Variants in ARFGAP1 observed in about 807,000 individuals in gnomAD.
The protein encoded by ARFGAP1 is ADP-ribosylation factor GTPase-activating protein 1.
Under a neutral mutation model 54.0 loss-of-function variants are expected in ARFGAP1, and 26 were observed. The ratio of observed to expected loss-of-function variants is 0.48; its 90% CI spans 0.35 to 0.67. ARFGAP1 has a LOEUF of 0.67. Among genes scored for constraint, ARFGAP1 ranks in the 30% least tolerant of loss-of-function variants. The probability of loss-of-function intolerance (pLI) is 0.00; values close to 1 mark genes in which losing one functional copy is unlikely to be tolerated. For synonymous variants in ARFGAP1, 248 were observed against 211.9 expected, an observed-to-expected ratio of 1.17 and a Z score of -1.48; for missense variants, 525 against 535.8, an observed-to-expected ratio of 0.98 and a Z score of 0.20.
In ARFGAP1 at chr20:63,276,356, T is replaced by A. The variant is rs986463289; in HGVS notation, c.171-124T>A. Reference sequence around the variant, plus strand: ...TGACGCCATGGCACAGAGTTCCAGCTGCTGGCCACTCAGCCTCCCTGCGGC... The same window carrying A: ...TGACGCCATGGCACAGAGTTCCAGCAGCTGGCCACTCAGCCTCCCTGCGGC... On this transcript the variant is annotated intron_variant, in intron 3 of 12. Coordinates refer to ENST00000370283, the MANE Select transcript of ARFGAP1 (RefSeq NM_018209.4). This position sits in a 1 kb window ranked among gnomAD's most constrained non-coding sequence, Gnocchi z 5.2. 5.7e-6 allele frequency: 8 copies of A among 1,396,370 alleles called. No homozygotes were observed. Among genetic ancestry groups the A allele is most frequent in the Non-Finnish European group, 7.9e-6 (8 of 1,011,148 alleles). The allele number at this position is 1,396,370 out of a possible 1,614,324, so 86.5% of individuals were successfully genotyped here.
chr20:63,285,743 G>A (rs757937110), intron 11 of ARFGAP1, 30 bp downstream of exon 11: 4 of 1,606,832 alleles, frequency 2.5e-6, no homozygotes, highest in African/African-American at 2.7e-5. Flanking sequence ...CGCGGGCACA[G>A]TCGAAGCCAG....
chr20:63,278,991 A>G lies in ARFGAP1; in HGVS notation c.623A>G (p.Tyr208Cys), dbSNP rs776566363. 10 of 1,613,630 alleles carry G rather than the reference A, an allele frequency of 6.2e-6. No homozygotes were observed. The Admixed American group carries it at 1.0e-4, about 16-fold the overall frequency. The change falls in exon 7 of 13, where the codon TAC becomes TGC. Residue 208 changes from tyrosine (Y) to cysteine (C), a missense_variant. Tyr to Cys is a radical substitution (Grantham distance 194). Transcript: ENST00000370283. The part of the protein sequence containing the change: ...DFLNNAMSSL[Y>C]SGWSSFTTGA... ...CTCAACAACGCCATGTCCTCCCTGT[A>G]CTCGGTGAGGACTTGGCCCTGCAGA...
intron 2 of ARFGAP1, 65 bp downstream of exon 2, chr20:63,275,705 G>A (rs2067219378): frequency 2.0e-6 from 3 of 1,514,032 alleles, no homozygotes; most frequent in Non-Finnish European, 2.7e-6. Flanking sequence ...CCGGGAAGTT[G>A]TACTCTGAGC....
Position 63,287,479 on chromosome 20 carries a change from A to C in ARFGAP1, c.912-85A>C, listed in dbSNP as rs1289079086. On this transcript the variant is annotated intron_variant, in intron 12 of 12. Transcript: ENST00000370283. The stretch of plus-strand genomic sequence containing the variant: ...TGGCCTGGGAAGGCGGTCACTGTCC[A>C]GGTGCAGAGCTCTCGGGGGCACAGA... The C allele has an allele frequency of 2.3e-6, 3 of 1,331,402 alleles. No individual in the cohort carries two copies. In the East Asian group the frequency reaches 7.2e-5, roughly 32 times the overall value. 82.5% of individuals were successfully genotyped at this position (1,331,402 alleles called of 1,614,324 possible). A position where few individuals can be genotyped will look rare whatever the true frequency, so the allele number is the denominator to read the frequency against.
rs2067653027 is a variant in ARFGAP1, at chr20:63,289,383, C to G, written c.*1510C>G. The stretch of plus-strand genomic sequence containing the variant: ...GTATCTCCCGAGGGCTGCTTGGACC[C>G]TGGTGGGCTGAGTGCTCCGAGGAGG... On this transcript the variant is annotated 3_prime_UTR_variant, in exon 13 of 13. Coordinates refer to ENST00000370283, the MANE Select transcript of ARFGAP1 (RefSeq NM_018209.4). The G allele has an allele frequency of 6.6e-6, 1 of 152,268 alleles. No homozygotes were observed. Among genetic ancestry groups the G allele is most frequent in the Non-Finnish European group, 1.5e-5 (1 of 68,106 alleles). 9.4% of individuals were successfully genotyped at this position (152,268 alleles called of 1,614,324 possible).
chr20:63,276,541 G>A lies in ARFGAP1; in HGVS notation c.232G>A (p.Gly78Ser). 6.2e-7 allele frequency: 1 copy of A among 1,614,102 alleles called. No individual in the cohort carries two copies. The highest frequency in any genetic ancestry group is 8.5e-7 in the Non-Finnish European group (1 of 1,179,994). ...KDIELEKMKA[G>S]GNAKFREFLE... The stretch of plus-strand genomic sequence containing the variant: ...CATTGAGCTTGAGAAGATGAAAGCT[G>A]GTGGGAATGCTAAGTTCCGAGAGTT... Residue 78 changes from glycine to serine, a missense_variant, in exon 4 of 13, where the codon GGT (glycine) becomes AGT (serine). Physicochemically the swap from Gly to Ser is moderately conservative, Grantham distance 56 (BLOSUM62 0). Coordinates refer to ENST00000370283, the MANE Select transcript of ARFGAP1 (RefSeq NM_018209.4). This position sits in a 1 kb window ranked among gnomAD's most constrained non-coding sequence, Gnocchi z 5.2.
At chr20:63,282,539 T>C (rs1488995569) in intron 8 of ARFGAP1, among the ~76,000 whole-genome samples, 1 of 152,186 alleles carries the variant, frequency 6.6e-6, no homozygotes, top group African/African-American at 2.4e-5. Context: ...GAGGATGGGG[T>C]TGGCCCTGCT....
At chr20:63,287,044 G>A (rs2067573771) in intron 12 of ARFGAP1, among the ~76,000 whole-genome samples, 1 of 152,274 alleles carries the variant, frequency 6.6e-6, no homozygotes, top group Non-Finnish European at 1.5e-5. Context: ...TCTACTGAGA[G>A]GCCAGCCCTG....
chr20:63,278,189 C>G lies in ARFGAP1; in HGVS notation c.516C>G (p.Leu172=). The change falls in exon 6 of 13, where the codon CTC becomes CTG. Residue 172 remains leucine (L), a synonymous_variant. Transcript: ENST00000370283. ...KAFEDWLNDD[L]GSYQGAQGNR... is the part of the protein sequence containing the mutation. ...TTGAAGACTGGCTGAATGATGACCTCGGCTCCTATCAAGGGTAAGGACTTG... is the reference window on the plus strand; with the variant it reads ...TTGAAGACTGGCTGAATGATGACCTGGGCTCCTATCAAGGGTAAGGACTTG... 1.2e-6 allele frequency: 2 copies of G among 1,613,412 alleles called. No individual in the cohort carries two copies. The highest frequency in any genetic ancestry group is 1.1e-5 in the South Asian group (1 of 91,068).
intron 7 of ARFGAP1, among the ~76,000 whole-genome samples, chr20:63,280,066 C>T (rs1440623929): frequency 4.6e-5 from 7 of 152,082 alleles, no homozygotes; most frequent in Admixed American, 2.6e-4. Flanking sequence ...TGCTTGAACC[C>T]GGGAGGCGGA....
intron 9 of ARFGAP1, chr20:63,284,218 C>T: frequency 8.1e-7 from 1 of 1,241,628 alleles, no homozygotes; most frequent in East Asian, 3.7e-5. Context: ...AGCTGCTGAG[C>T]AGGGTTTCCT....
At chr20:63,282,736 G>T in intron 8 of ARFGAP1, 83 bp from the exon 9 acceptor site, 1 of 1,472,636 alleles carries the variant, frequency 6.8e-7, no homozygotes, top group South Asian at 1.1e-5. Context: ...GACAGTCCTG[G>T]ACCTGAGTCT....
rs2067217871 is a variant in ARFGAP1, at chr20:63,275,658, A to AC, written c.60+24dup. 5.7e-6 allele frequency: 9 copies of AC among 1,581,260 alleles called. No homozygotes were observed. Among genetic ancestry groups the AC allele is most frequent in the Non-Finnish European group, 6.9e-6 (8 of 1,151,284 alleles). On this transcript the variant is annotated intron_variant, in intron 2 of 12. Coordinates refer to ENST00000370283, the MANE Select transcript of ARFGAP1 (RefSeq NM_018209.4). ...AGAACAACGTAAGCCTCTGCCCCCC[A>AC]CCCCCCGCCCTAAGGCTTGGTCAGG...
intron 8 of ARFGAP1, among the ~76,000 whole-genome samples, chr20:63,281,735 C>T (rs2067385949): frequency 6.6e-6 from 1 of 152,222 alleles, no homozygotes; most frequent in South Asian, 2.1e-4. Context: ...CGATTTCTCT[C>T]TTTCGCCTGC....
chr20:63,280,983 A>G (rs982824191), intron 7 of ARFGAP1, among the ~76,000 whole-genome samples: 3 of 152,134 alleles, frequency 2.0e-5, no homozygotes, highest in Non-Finnish European at 1.5e-5. Context: ...AGCGCCGGCC[A>G]TGGGGAGGGG....
chr20:63,279,032 A>C (rs767569001), intron 7 of ARFGAP1, 37 bp downstream of exon 7: 8 of 1,605,104 alleles, frequency 5.0e-6, no homozygotes, highest in Non-Finnish European at 6.8e-6. Flanking sequence ...TCCCATGGGC[A>C]GACCCCGCCC....
At chr20:63,275,467 A>G (rs1041244409) in intron 1 of ARFGAP1, 110 bp from the exon 2 acceptor site, 12 of 1,047,454 alleles carry the variant, frequency 1.1e-5, no homozygotes, top group African/African-American at 9.5e-5. Context: ...GCAGCTCAAC[A>G]GATTGCCCCT....
At position 63,284,901 on chromosome 20, in the gene ARFGAP1, C is replaced by T. The variant is rs201496824; in HGVS notation, c.753C>T (p.Val251=). 321 of 1,613,180 alleles carry T rather than the reference C, an allele frequency of 2.0e-4. No individual in the cohort carries two copies. Among genetic ancestry groups the T allele is most frequent in the Middle Eastern group, 4.9e-4 (3 of 6,084 alleles). The change falls in exon 10 of 13, where the codon GTC becomes GTT. Residue 251 remains valine, a synonymous_variant. Coordinates refer to ENST00000370283, the MANE Select transcript of ARFGAP1 (RefSeq NM_018209.4). The part of the protein sequence containing the change: ...SELGHSLNEN[V]LKPAQEKVKE... ...TGGGCCACAGCCTGAACGAGAACGT[C>T]CTCAAGCCTGCGCAGGAGAAGGTAA...
chr20:63,277,523 C>T (rs1251635531), intron 5 of ARFGAP1, among the ~76,000 whole-genome samples: 3 of 152,212 alleles, frequency 2.0e-5, no homozygotes, highest in African/African-American at 4.8e-5. Flanking sequence ...AGGTAAGCTC[C>T]GCACGCCTTC....
Sources: allele counts gnomAD v4.1 joint callset (sites outside exome capture counted in the v4.1 genomes callset), GRCh38; gene constraint gnomAD v4.1.1; non-coding constraint Gnocchi (gnomAD v3.1); transcripts MANE v1.5; gene names NCBI Gene and HGNC (gene_info 2026-07-23, HGNC 2026-07-21).